Variants in NBEA observed in about 807,000 individuals in gnomAD.
NBEA encodes the protein neurobeachin.
A neutral mutation model predicts 343.4 loss-of-function variants in NBEA; 44 were observed. The ratio of observed to expected loss-of-function variants is 0.13; its 90% CI spans 0.10 to 0.16. The LOEUF (loss-of-function observed/expected upper bound fraction) is 0.16. Ranked by LOEUF, NBEA falls within the 10% of genes least tolerant of loss-of-function variation. The pLI is 1.00. For missense variants in NBEA, 2,555 were observed against 3,631.3 expected, an observed-to-expected ratio of 0.70 and a Z score of 7.62; for synonymous variants, 1,175 against 1,238.7, an observed-to-expected ratio of 0.95 and a Z score of 1.08.
At chr13:35,216,242 T>C (rs2074057189) in intron 33 of NBEA, among the ~76,000 whole-genome samples, 1 of 151,798 alleles carries the variant, frequency 6.6e-6, no homozygotes, top group Admixed American at 6.6e-5. Flanking sequence ...TTTCTTCCCA[T>C]ATCTTAGAGT....
intron 38 of NBEA, among the ~76,000 whole-genome samples, chr13:35,377,645 T>C (rs1172052998): frequency 1.3e-5 from 2 of 152,210 alleles, no homozygotes. Flanking sequence ...TACCTATCTA[T>C]CCCTGATATT....
intron 45 of NBEA, among the ~76,000 whole-genome samples, chr13:35,582,614 G>A (rs2081106543): frequency 6.6e-6 from 1 of 152,116 alleles, no homozygotes; most frequent in African/African-American, 2.4e-5. Context: ...TAACACTTTT[G>A]TGCGTGAAAA....
chr13:35,649,619 T>C (rs2153078688), intron 51 of NBEA, 36 bp from the exon 52 acceptor site: 1 of 1,539,376 alleles, frequency 6.5e-7, no homozygotes, highest in East Asian at 2.3e-5. Context: ...TTATTCCTTT[T>C]GTCTTCCTCT....
chr13:35,446,815 C>A (rs1230710564), intron 39 of NBEA, among the ~76,000 whole-genome samples: 1 of 151,814 alleles, frequency 6.6e-6, no homozygotes, highest in African/African-American at 2.4e-5. Context: ...ACCTATATAT[C>A]TATATAAATA....
chr13:35,426,206 A>G (rs536227208), intron 38 of NBEA, among the ~76,000 whole-genome samples: 1 of 152,158 alleles, frequency 6.6e-6, no homozygotes, highest in East Asian at 1.9e-4. Context: ...TCAGCTGGCT[A>G]TTTTGCTCGT....
intron 1 of NBEA, among the ~76,000 whole-genome samples, chr13:35,012,692 T>C (rs1200358968): frequency 2.6e-5 from 4 of 152,332 alleles, no homozygotes; most frequent in African/African-American, 9.6e-5. Flanking sequence ...GTAAAGTATA[T>C]TTTGTATAAC....
intron 13 of NBEA, 104 bp downstream of exon 13, chr13:35,111,082 TTTTC>T: frequency 1.0e-6 from 1 of 960,666 alleles, no homozygotes; most frequent in Non-Finnish European, 1.4e-6. Flanking sequence ...CACTGAAATG[TTTTC>T]TTTCTTATAT....
At chr13:35,260,978 A>G (rs952262416) in intron 34 of NBEA, among the ~76,000 whole-genome samples, 1 of 152,240 alleles carries the variant, frequency 6.6e-6, no homozygotes, top group Admixed American at 6.5e-5. Context: ...TTGTTTCGCC[A>G]GTAACTCAAT....
chr13:35,210,269 T>G (rs910154748), intron 32 of NBEA, among the ~76,000 whole-genome samples: 5 of 151,886 alleles, frequency 3.3e-5, no homozygotes, highest in African/African-American at 1.2e-4. Context: ...AGTGATAAAC[T>G]TCTTAAAAGT....
At chr13:35,270,960 A>C (rs1295158297) in intron 34 of NBEA, among the ~76,000 whole-genome samples, 11 of 152,242 alleles carry the variant, frequency 7.2e-5, no homozygotes, top group Admixed American at 7.2e-4. Flanking sequence ...CTGCAGACTT[A>C]AACGTCCCTG....
At chr13:35,406,698 A>T (rs2043287586) in intron 38 of NBEA, among the ~76,000 whole-genome samples, 1 of 152,156 alleles carries the variant, frequency 6.6e-6, no homozygotes, top group African/African-American at 2.4e-5. Context: ...GCAGTGTTCT[A>T]CTGGGGTGGC....
At chr13:35,088,396 A>T (rs1313700579) in intron 10 of NBEA, among the ~76,000 whole-genome samples, 1 of 151,850 alleles carries the variant, frequency 6.6e-6, no homozygotes, top group Middle Eastern at 3.2e-3. Context: ...GCCAGTTTTT[A>T]TGGTCGTTGA....
Position 35,645,367 on chromosome 13 carries a change from C to T in NBEA, c.7618-502C>T, listed in dbSNP as rs529494114. Among the ~76,000 whole-genome samples, 15 of 152,230 alleles carry T rather than the reference C, an allele frequency of 9.9e-5. 1 individual carries two copies. In the South Asian group the frequency reaches 2.9e-3, roughly 29 times the overall value. ...ATTTCAGAAAAAGATTTTTGTTAGTCTAGCTTAATATATGGAAATATTTTG... is the reference window on the plus strand; with the variant it reads ...ATTTCAGAAAAAGATTTTTGTTAGTTTAGCTTAATATATGGAAATATTTTG... On this transcript the variant is annotated intron_variant, in intron 49 of 58. Coordinates refer to ENST00000379939, the MANE Select transcript of NBEA (RefSeq NM_001385012.1).
At chr13:35,137,495 G>A (rs993859011) in intron 17 of NBEA, among the ~76,000 whole-genome samples, 3 of 150,664 alleles carry the variant, frequency 2.0e-5, no homozygotes, top group Admixed American at 2.0e-4. Context: ...GTCATCTGAA[G>A]TTTTAAAAAT....
At chr13:35,475,951 T>C in intron 41 of NBEA, 1 of 1,614,170 alleles carries the variant, frequency 6.2e-7, no homozygotes, top group East Asian at 2.2e-5. Context: ...GAGGCCCTCG[T>C]AGCGATTGTC....
At chr13:35,220,363 A>G (rs2074297305) in intron 33 of NBEA, among the ~76,000 whole-genome samples, 1 of 152,158 alleles carries the variant, frequency 6.6e-6, no homozygotes, top group Non-Finnish European at 1.5e-5. Context: ...TTCTTCTGAA[A>G]GAACGCTTCT....
In NBEA at chr13:35,343,216, T is replaced by A. The variant is rs565500945; in HGVS notation, c.5904-5892T>A. Among the ~76,000 whole-genome samples the A allele has an allele frequency of 2.7e-3, 407 of 152,216 alleles. 3 individuals are homozygous for A. Among genetic ancestry groups the A allele is most frequent in the African/African-American group, 9.1e-3 (380 of 41,552 alleles). ...GTAAGATGCTACCATCCTAAATTCA[T>A]GTATTTCAAATAAATAACCTCAAAA... On this transcript the variant is annotated intron_variant, in intron 36 of 58. Transcript: ENST00000379939.
At chr13:35,251,412 T>A (rs763778323) in intron 34 of NBEA, 14 of 1,054,678 alleles carry the variant, frequency 1.3e-5, no homozygotes, top group Non-Finnish European at 1.5e-5. Flanking sequence ...ACTACAGAGA[T>A]CCTCGTCAGT....
At chr13:35,128,650 C>T (rs541983486) in intron 17 of NBEA, among the ~76,000 whole-genome samples, 2 of 152,056 alleles carry the variant, frequency 1.3e-5, no homozygotes, top group Non-Finnish European at 2.9e-5. Context: ...ATTTAAAATT[C>T]ACAGCCATGA....
Sources: gnomAD v4.1 joint callset for allele counts (sites outside exome capture counted in the v4.1 genomes callset) on GRCh38, gnomAD v4.1.1 for gene constraint, MANE v1.5 for transcripts, NCBI Gene and HGNC (gene_info 2026-07-23, HGNC 2026-07-21) for gene names.